Variants in RBFOX1 observed in about 807,000 individuals in gnomAD.
RBFOX1 encodes the protein RNA binding fox-1 homolog 1.
In RBFOX1, 8 loss-of-function variants were observed where a neutral mutation model predicts 57.7. That is an observed-to-expected ratio of 0.14 (90% CI 0.08 to 0.25). The LOEUF (loss-of-function observed/expected upper bound fraction) is 0.25. Among genes scored for constraint, RBFOX1 ranks in the 10% least tolerant of loss-of-function variants. The probability of loss-of-function intolerance (pLI) is 1.00; values close to 1 mark genes in which losing one functional copy is unlikely to be tolerated. For missense variants in RBFOX1, 611 were observed against 548.5 expected, an observed-to-expected ratio of 1.11 and a Z score of -1.14; for synonymous variants, 326 against 222.4, an observed-to-expected ratio of 1.47 and a Z score of -4.15.
At chr16:7,075,832 A>T (rs1221366294) in intron 4 of RBFOX1, among the ~76,000 whole-genome samples, 4 of 151,646 alleles carry the variant, frequency 2.6e-5, no homozygotes, top group Admixed American at 6.6e-5. Context: ...TGCCTGCCTC[A>T]GCTTCCCAAA....
intron 4 of RBFOX1, among the ~76,000 whole-genome samples, chr16:7,076,120 C>A (rs908422430): frequency 6.6e-6 from 1 of 151,410 alleles, no homozygotes; most frequent in African/African-American, 2.4e-5. Flanking sequence ...CGGCTCACTG[C>A]AACCTCTGCC....
intron 1 of RBFOX1, among the ~76,000 whole-genome samples, chr16:5,361,017 A>T (rs556041891): frequency 9.8e-5 from 15 of 152,296 alleles, no homozygotes; most frequent in Admixed American, 4.6e-4. Context: ...GGGAGAGACA[A>T]TGTCAACTCT....
chr16:6,331,290 AC>A (rs2082991889), intron 2 of RBFOX1, among the ~76,000 whole-genome samples: 1 of 152,096 alleles, frequency 6.6e-6, no homozygotes, highest in South Asian at 2.1e-4. Context: ...TAATAAAAGT[AC>A]AAAAAATTAG....
At chr16:5,420,984 TTCCTCC>T (rs141254741) in intron 1 of RBFOX1, among the ~76,000 whole-genome samples, 36 of 127,646 alleles carry the variant, frequency 2.8e-4, no homozygotes, top group African/African-American at 5.3e-4. Context: ...CCTTCTTCCC[TTCCTCC>T]TCCTCCTCCT....
chr16:7,242,322 A>T (rs1055865052), intron 4 of RBFOX1, among the ~76,000 whole-genome samples: 1 of 152,206 alleles, frequency 6.6e-6, no homozygotes, highest in Non-Finnish European at 1.5e-5. Flanking sequence ...TAGGCATGAC[A>T]TATCATCATT....
intron 4 of RBFOX1, among the ~76,000 whole-genome samples, chr16:7,108,850 G>T (rs1818595568): frequency 6.6e-6 from 1 of 152,156 alleles, no homozygotes; most frequent in African/African-American, 2.4e-5. Context: ...AGTGAAACGA[G>T]TCATGATATA....
intron 2 of RBFOX1, among the ~76,000 whole-genome samples, chr16:6,615,338 G>C (rs2098126864): frequency 6.6e-6 from 1 of 152,182 alleles, no homozygotes. Flanking sequence ...GGGAGGCCAA[G>C]GCGGGTGGAT....
At chr16:7,354,776 C>T (rs914084070) in intron 4 of RBFOX1, among the ~76,000 whole-genome samples, 10 of 152,120 alleles carry the variant, frequency 6.6e-5, no homozygotes, top group African/African-American at 2.2e-4. Context: ...AAAACTGTGC[C>T]ATTGACATTT....
intron 4 of RBFOX1, among the ~76,000 whole-genome samples, chr16:7,118,479 G>T (rs1009449731): frequency 6.6e-6 from 1 of 152,092 alleles, no homozygotes; most frequent in Non-Finnish European, 1.5e-5. Context: ...CGGGTACAAG[G>T]TATGCAATTC....
At chr16:5,643,091 C>T (rs1315786008) in intron 3 of RBFOX1, among the ~76,000 whole-genome samples, 2 of 152,052 alleles carry the variant, frequency 1.3e-5, no homozygotes, top group Non-Finnish European at 2.9e-5. Flanking sequence ...GCAGAGGCTC[C>T]GTGTTAACCT....
intron 3 of RBFOX1, among the ~76,000 whole-genome samples, chr16:5,744,980 C>T (rs2052919270): frequency 6.6e-6 from 1 of 152,122 alleles, no homozygotes; most frequent in African/African-American, 2.4e-5. Context: ...TTCTAGGCTA[C>T]ATGTGCACAA....
intron 3 of RBFOX1, among the ~76,000 whole-genome samples, chr16:5,856,127 A>G (rs1425832864): frequency 4.2e-5 from 5 of 118,254 alleles, no homozygotes; most frequent in Non-Finnish European, 8.9e-5. Flanking sequence ...TTATTTCTAA[A>G]TTTTTTTCCA....
At chr16:6,242,199 C>G (rs562685394) in intron 1 of RBFOX1, among the ~76,000 whole-genome samples, 2 of 152,050 alleles carry the variant, frequency 1.3e-5, no homozygotes, top group South Asian at 2.1e-4. Flanking sequence ...ATATAGTTAT[C>G]AGTACTATAA....
chr16:7,378,043 G>C (rs910607944), intron 4 of RBFOX1, among the ~76,000 whole-genome samples: 11 of 152,194 alleles, frequency 7.2e-5, no homozygotes, highest in African/African-American at 1.7e-4. Context: ...GTCTGAAGAA[G>C]AGCAAAGAGA....
At chr16:6,422,313 C>T (rs527564195) in intron 2 of RBFOX1, among the ~76,000 whole-genome samples, 2 of 151,018 alleles carry the variant, frequency 1.3e-5, no homozygotes, top group East Asian at 2.0e-4. Context: ...CTGTGTGATA[C>T]TGAGGTTCGG....
chr16:7,054,524 A>T (rs1371399091), intron 4 of RBFOX1, among the ~76,000 whole-genome samples: 1 of 121,766 alleles, frequency 8.2e-6, no homozygotes, highest in East Asian at 3.1e-4. Flanking sequence ...TACAGGTGTG[A>T]GCCACTGCGC....
chr16:5,844,793 A>G (rs560983881), intron 3 of RBFOX1, among the ~76,000 whole-genome samples: 3 of 152,200 alleles, frequency 2.0e-5, no homozygotes, highest in Non-Finnish European at 4.4e-5. Flanking sequence ...TAACAGAACT[A>G]TCATTGTCAG....
At position 5,469,413 on chromosome 16, in the gene RBFOX1, A is replaced by G. The variant is rs540271659; in HGVS notation, c.258+2159A>G. The stretch of plus-strand genomic sequence containing the variant: ...GGGAGCAGTTTATAACATGCCAGGG[A>G]TTATCCCAGGTGCCTTATTCACGTG... On this transcript the variant is annotated intron_variant, in intron 2 of 2. Coordinates refer to the RBFOX1 transcript ENST00000585867. 5.3e-5 allele frequency among the ~76,000 whole-genome samples: 8 copies of G among 152,246 alleles called. No homozygotes were observed. In the South Asian group the frequency reaches 1.5e-3, roughly 28 times the overall value.
At chr16:7,327,281 C>G (rs567573623) in intron 4 of RBFOX1, among the ~76,000 whole-genome samples, 2 of 152,252 alleles carry the variant, frequency 1.3e-5, no homozygotes, top group South Asian at 4.1e-4. Flanking sequence ...AGGTATTTGG[C>G]AAAGATAATT....
Sources: gnomAD v4.1 joint callset for allele counts (sites outside exome capture counted in the v4.1 genomes callset) on GRCh38, gnomAD v4.1.1 for gene constraint, MANE v1.5 for transcripts, NCBI Gene and HGNC (gene_info 2026-07-23, HGNC 2026-07-21) for gene names.